KCNT2: variants seen among roughly 807,000 people sequenced by gnomAD.
The protein encoded by KCNT2 is potassium channel subfamily T member 2.
A neutral mutation model predicts 153.8 loss-of-function variants in KCNT2; 67 were observed. That is an observed-to-expected ratio of 0.44 (90% CI 0.36 to 0.53). The LOEUF (loss-of-function observed/expected upper bound fraction) is 0.53, where lower values mean the gene tolerates loss of function less well. Among genes scored for constraint, KCNT2 ranks in the 20% least tolerant of loss-of-function variants. The pLI, the probability that KCNT2 is intolerant of heterozygous loss-of-function variation, is 0.00. For missense variants in KCNT2, 975 were observed against 1,354.8 expected (o/e 0.72, Z 4.40); for synonymous variants, 500 against 458.8 (o/e 1.09, Z -1.15).
chr1:196,368,975 C>T (rs957440663), intron 14 of KCNT2, among the ~76,000 whole-genome samples: 1 of 151,898 alleles, frequency 6.6e-6, no homozygotes, highest in Non-Finnish European at 1.5e-5. Flanking sequence ...TTCTTTTTTT[C>T]CCCCTCTCTC....
At chr1:196,229,364 C>T (rs780855201) in intron 27 of KCNT2, among the ~76,000 whole-genome samples, 199 of 152,068 alleles carry the variant, frequency 1.3e-3, no homozygotes, top group Middle Eastern at 0.01. Context: ...TATCCGCACC[C>T]ATATAAGAAG....
At chr1:196,563,927 T>C (rs891833490) in intron 1 of KCNT2, among the ~76,000 whole-genome samples, 2 of 151,946 alleles carry the variant, frequency 1.3e-5, no homozygotes, top group African/African-American at 4.8e-5. Context: ...AAGTTGAAAG[T>C]TTCTTGTCTC....
chr1:196,521,078 G>A (rs6669247), intron 1 of KCNT2, among the ~76,000 whole-genome samples: 2,531 of 151,720 alleles, frequency 0.017, 44 homozygotes, highest in Non-Finnish European at 0.023. Context: ...TATAGGGAAT[G>A]TAATAAATTT....
chr1:196,242,121 T>C (rs916557605), intron 26 of KCNT2, among the ~76,000 whole-genome samples: 3 of 152,148 alleles, frequency 2.0e-5, no homozygotes, highest in Non-Finnish European at 2.9e-5. Flanking sequence ...TATCAATAAA[T>C]GCTAGTTTCT....
chr1:196,346,768 A>C (rs1164615925), intron 14 of KCNT2, among the ~76,000 whole-genome samples: 1 of 152,124 alleles, frequency 6.6e-6, no homozygotes, highest in Non-Finnish European at 1.5e-5. Flanking sequence ...CCTTCATTTG[A>C]ATGCTAATTA....
chr1:196,385,772 A>AAAAAAAT (rs747480460), intron 13 of KCNT2, among the ~76,000 whole-genome samples: 1 of 148,452 alleles, frequency 6.7e-6, no homozygotes, highest in Non-Finnish European at 1.5e-5. Context: ...GCATTAAAAA[A>AAAAAAAT]ATATATATAT....
At chr1:196,234,724 G>T (rs1654271981) in intron 27 of KCNT2, among the ~76,000 whole-genome samples, 1 of 151,284 alleles carries the variant, frequency 6.6e-6, no homozygotes, top group South Asian at 2.1e-4. Flanking sequence ...TAAACCTCTT[G>T]CATGGATCCA....
chr1:196,242,918 C>T (rs1655086076), intron 26 of KCNT2, among the ~76,000 whole-genome samples: 1 of 152,042 alleles, frequency 6.6e-6, no homozygotes, highest in African/African-American at 2.4e-5. Context: ...CTCATAGGTA[C>T]GTTGGGTAAA....
At chr1:196,439,492 G>A (rs1675031967) in intron 8 of KCNT2, among the ~76,000 whole-genome samples, 1 of 151,892 alleles carries the variant, frequency 6.6e-6, no homozygotes. Flanking sequence ...TATGCCCCTT[G>A]ACAAGTATAT....
chr1:196,359,661 C>A (rs1450903051), intron 14 of KCNT2, among the ~76,000 whole-genome samples: 1 of 151,804 alleles, frequency 6.6e-6, no homozygotes, highest in African/African-American at 2.4e-5. Flanking sequence ...CCTGCTCTGG[C>A]AGAACATAGT....
At chr1:196,320,379 A>G (rs1488206093) in intron 19 of KCNT2, among the ~76,000 whole-genome samples, 1 of 151,884 alleles carries the variant, frequency 6.6e-6, no homozygotes, top group Non-Finnish European at 1.5e-5. Context: ...TTAACTTGTA[A>G]GAAATAAAGA....
intron 1 of KCNT2, among the ~76,000 whole-genome samples, chr1:196,552,448 A>C (rs1323946667): frequency 1.3e-5 from 2 of 151,472 alleles, no homozygotes; most frequent in African/African-American, 2.4e-5. Flanking sequence ...TGCAGGAGAA[A>C]TAAAGACCTT....
intron 8 of KCNT2, among the ~76,000 whole-genome samples, chr1:196,446,802 A>G (rs1188343174): frequency 2.0e-5 from 3 of 151,564 alleles, no homozygotes; most frequent in African/African-American, 7.2e-5. Context: ...AAATAAGATG[A>G]AATTTAACTA....
chr1:196,574,841 T>C (rs999920872), intron 1 of KCNT2, among the ~76,000 whole-genome samples: 5 of 152,066 alleles, frequency 3.3e-5, no homozygotes, highest in Admixed American at 3.3e-4. Context: ...TTTTTCTTTT[T>C]TCTTAAAAAC....
intron 26 of KCNT2, among the ~76,000 whole-genome samples, chr1:196,255,891 T>G (rs895511027): frequency 6.6e-6 from 1 of 151,908 alleles, no homozygotes; most frequent in African/African-American, 2.4e-5. Context: ...AACCTGTATA[T>G]CAGAAAATAT....
intron 1 of KCNT2, among the ~76,000 whole-genome samples, chr1:196,544,773 G>A (rs774390506): frequency 6.6e-6 from 1 of 152,038 alleles, no homozygotes; most frequent in Non-Finnish European, 1.5e-5. Flanking sequence ...GAAAAAGAAT[G>A]CCCTGAGCAG....
chr1:196,452,814 AG>A (rs1402388725), intron 8 of KCNT2, among the ~76,000 whole-genome samples: 4 of 151,608 alleles, frequency 2.6e-5, no homozygotes, highest in African/African-American at 9.7e-5. Flanking sequence ...GAAGTCAGTT[AG>A]TGGAGGGTCT....
intron 22 of KCNT2, among the ~76,000 whole-genome samples, chr1:196,289,380 A>G (rs1659978113): frequency 6.6e-6 from 1 of 152,096 alleles, no homozygotes; most frequent in Non-Finnish European, 1.5e-5. Flanking sequence ...TATCTCAGCT[A>G]GATCCTATGT....
At chr1:196,600,383 C>CA (rs1664588876) in intron 1 of KCNT2, among the ~76,000 whole-genome samples, 1 of 152,210 alleles carries the variant, frequency 6.6e-6, no homozygotes, top group Admixed American at 6.5e-5. Context: ...AGGTGGTTGG[C>CA]TGCAAGGCAT....
Sources: allele counts gnomAD v4.1 joint callset (sites outside exome capture counted in the v4.1 genomes callset), GRCh38; gene constraint gnomAD v4.1.1; transcripts MANE v1.5; gene names NCBI Gene and HGNC (gene_info 2026-07-23, HGNC 2026-07-21).